TENM3: variants seen among roughly 807,000 people sequenced by gnomAD.
TENM3 encodes teneurin-3.
Under a neutral mutation model 255.1 loss-of-function variants are expected in TENM3, and 63 were observed. The observed-to-expected ratio is 0.25, with a 90% CI of 0.20 to 0.30. The LOEUF (loss-of-function observed/expected upper bound fraction) is 0.30, where lower values mean the gene tolerates loss of function less well. Among genes scored for constraint, TENM3 ranks in the 10% least tolerant of loss-of-function variants. The pLI is 1.00. For missense variants in TENM3, 2,929 were observed against 3,461.1 expected (o/e 0.85, Z 3.86); for synonymous variants, 1,306 against 1,322.3 (o/e 0.99, Z 0.27).
At chr4:182,371,403 T>A (rs1455914231) in intron 3 of TENM3, among the ~76,000 whole-genome samples, 1 of 152,184 alleles carries the variant, frequency 6.6e-6, no homozygotes, top group African/African-American at 2.4e-5. Flanking sequence ...AACCGTGGTG[T>A]CTGCCCTCAA....
At chr4:182,496,869 T>C (rs1377208852) in intron 3 of TENM3, among the ~76,000 whole-genome samples, 1 of 152,186 alleles carries the variant, frequency 6.6e-6, no homozygotes, top group Admixed American at 6.5e-5. Context: ...ATGATTGATT[T>C]TGAGACTTCA....
chr4:182,600,380 T>C (rs1470382073), intron 3 of TENM3, among the ~76,000 whole-genome samples: 3 of 152,246 alleles, frequency 2.0e-5, no homozygotes, highest in African/African-American at 7.2e-5. Flanking sequence ...TAGATCATAG[T>C]GCAGATCTGC....
At chr4:182,119,204 T>C in the TENM3 span, among the ~76,000 whole-genome samples, 3 of 152,170 alleles carry the variant, frequency 2.0e-5, no homozygotes, top group Non-Finnish European at 4.4e-5. Flanking sequence ...TGGTAAAAGT[T>C]TCTCCTGAGG....
At chr4:182,515,092 G>A (rs930979750) in intron 3 of TENM3, among the ~76,000 whole-genome samples, 3 of 152,274 alleles carry the variant, frequency 2.0e-5, no homozygotes, top group African/African-American at 4.8e-5. Context: ...CATTTAAGCC[G>A]TCACTGATGA....
chr4:182,349,193 A>G (rs1044403681), intron 3 of TENM3, among the ~76,000 whole-genome samples: 2 of 152,248 alleles, frequency 1.3e-5, no homozygotes, highest in African/African-American at 4.8e-5. Flanking sequence ...ACTTGTGTTT[A>G]CTCTTTTTCC....
At chr4:181,699,459 AAAAAAAAAAAAAAG>A in the TENM3 span, among the ~76,000 whole-genome samples, 1 of 147,520 alleles carries the variant, frequency 6.8e-6, no homozygotes, top group Non-Finnish European at 1.5e-5. Context: ...AAAAAAAAAA[AAAAAAAAAAAAAAG>A]AAAGAAAGAA....
the TENM3 span, among the ~76,000 whole-genome samples, chr4:181,998,699 C>T: frequency 1.3e-5 from 2 of 152,162 alleles, no homozygotes; most frequent in South Asian, 4.1e-4. Flanking sequence ...ACCTCTCCAG[C>T]CATTAAATCA....
At chr4:182,347,444 T>C (rs1764900807) in intron 3 of TENM3, among the ~76,000 whole-genome samples, 1 of 152,180 alleles carries the variant, frequency 6.6e-6, no homozygotes, top group Non-Finnish European at 1.5e-5. Context: ...ACAAATATGA[T>C]CATGCTTTAA....
chr4:182,155,419 A>G (rs987660862), intron 1 of TENM3, among the ~76,000 whole-genome samples: 1 of 152,086 alleles, frequency 6.6e-6, no homozygotes, highest in Non-Finnish European at 1.5e-5. Context: ...GTTCTGCGTC[A>G]TCTTCTCAAA....
In TENM3 at chr4:182,370,818, TA is replaced by T. The variant is rs147704075; in HGVS notation, c.511+23892del. Among the ~76,000 whole-genome samples, 1,069 of 152,332 alleles carry T rather than the reference TA, an allele frequency of 7.0e-3. 4 individuals carry two copies. The highest frequency in any genetic ancestry group is 0.016 in the East Asian group (84 of 5,184). ...GCAAAACAATTCTGCTTTCTGTTGC[TA>T]AAGGACCTGCCAAATAGTTGAATAT... On this transcript the variant is annotated intron_variant, in intron 3 of 27. Transcript: ENST00000511685.
rs540915086 is a variant in TENM3, at chr4:182,798,234, C to T, written c.7345-1362C>T. Among the ~76,000 whole-genome samples, 12 of 152,326 alleles carry T rather than the reference C, an allele frequency of 7.9e-5. No homozygotes were observed. The Middle Eastern group carries it at 0.01, about 130-fold the overall frequency. On this transcript the variant is annotated intron_variant, in intron 27 of 27. Coordinates refer to ENST00000511685, the MANE Select transcript of TENM3 (RefSeq NM_001080477.4). ...CGTAGCACAGGCTGGTCTTGAACTC[C>T]TGGTCTCAAGCGTTCCTCCTGCCTC...
At chr4:182,753,391 A>C in intron 20 of TENM3, 59 bp from the exon 21 acceptor site, 1 of 1,433,316 alleles carries the variant, frequency 7.0e-7, no homozygotes, top group Non-Finnish European at 9.7e-7. Context: ...TGGGCCTAAT[A>C]GTTAATCAAA....
intron 13 of TENM3, among the ~76,000 whole-genome samples, chr4:182,714,716 C>T (rs539226041): frequency 3.3e-5 from 5 of 152,256 alleles, no homozygotes; most frequent in South Asian, 2.1e-4. Flanking sequence ...ACTTGATACT[C>T]GGTTAAAAAG....
At chr4:181,996,516 T>G in the TENM3 span, among the ~76,000 whole-genome samples, 3 of 151,890 alleles carry the variant, frequency 2.0e-5, no homozygotes. Flanking sequence ...AGGGGGAACA[T>G]AGAGAGAACC....
intron 2 of TENM3, among the ~76,000 whole-genome samples, chr4:182,330,164 C>G (rs1763657190): frequency 6.6e-6 from 1 of 152,064 alleles, no homozygotes; most frequent in African/African-American, 2.4e-5. Flanking sequence ...TGACTAAGGC[C>G]CCTATAACAA....
chr4:182,522,673 G>A (rs555699259), intron 3 of TENM3, among the ~76,000 whole-genome samples: 7 of 152,316 alleles, frequency 4.6e-5, no homozygotes, highest in East Asian at 1.9e-4. Context: ...GACATCTGCC[G>A]TGGTGTATAC....
the TENM3 span, among the ~76,000 whole-genome samples, chr4:181,637,239 G>C: frequency 2.6e-5 from 4 of 152,180 alleles, no homozygotes; most frequent in Non-Finnish European, 5.9e-5. Flanking sequence ...AAAAACTTCA[G>C]TGTCTTATCA....
At chr4:181,651,936 C>A in the TENM3 span, among the ~76,000 whole-genome samples, 1 of 152,082 alleles carries the variant, frequency 6.6e-6, no homozygotes, top group Non-Finnish European at 1.5e-5. Flanking sequence ...GTTTTCACAC[C>A]AAATATTTTT....
chr4:182,428,164 T>C (rs1471941960), intron 3 of TENM3, among the ~76,000 whole-genome samples: 6 of 152,192 alleles, frequency 3.9e-5, no homozygotes, highest in Non-Finnish European at 7.3e-5. Flanking sequence ...AGCTAATGGA[T>C]ACTGCATTAG....
Sources: gnomAD v4.1 joint callset for allele counts (sites outside exome capture counted in the v4.1 genomes callset) on GRCh38, gnomAD v4.1.1 for gene constraint, MANE v1.5 for transcripts, NCBI Gene and HGNC (gene_info 2026-07-23, HGNC 2026-07-21) for gene names.